Variants in NHEJ1 observed in about 807,000 individuals in gnomAD.
The protein encoded by NHEJ1 is non-homologous end joining factor 1.
NHEJ1 carries 22 observed loss-of-function variants against 39.4 expected under a neutral mutation model. The ratio of observed to expected loss-of-function variants is 0.56; its 90% confidence interval spans 0.40 to 0.80. The LOEUF is 0.80. Ranked by LOEUF, NHEJ1 falls within the 30% of genes least tolerant of loss-of-function variation. NHEJ1 has a pLI of 0.00. For synonymous variants in NHEJ1, 154 were observed against 135.6 expected, an observed-to-expected ratio of 1.14 and a Z score of -0.94; for missense variants, 329 against 357.1, an observed-to-expected ratio of 0.92 and a Z score of 0.63.
rs573350783 is a variant in NHEJ1, at chr2:219,073,050, A to G, written c.*3331T>C. 3.3e-5 allele frequency among the ~76,000 whole-genome samples: 5 copies of G among 152,286 alleles called. No homozygotes were observed. In the East Asian group the frequency reaches 9.6e-4, roughly 29 times the overall value. ...AAAGGAAGGAAAGAAAAGGGAGTCC[A>G]AATGTACCGCTGGATAAAAACGAGC... On this transcript the variant is annotated 3_prime_UTR_variant, in exon 8 of 8. Coordinates refer to ENST00000356853, the MANE Select transcript of NHEJ1 (RefSeq NM_024782.3).
In NHEJ1 at chr2:219,091,198, C is replaced by T. The variant is rs74392505; in HGVS notation, c.589-12992G>A. Among the ~76,000 whole-genome samples the T allele has an allele frequency of 3.0e-3, 460 of 152,134 alleles. 1 individual carries two copies. Among genetic ancestry groups the T allele is most frequent in the African/African-American group, 0.011 (441 of 41,482 alleles). ...CAGCTGAGGACTCTCTTAGGACTAG[C>T]CCAGTTAGATAGGAGCCTTTGGCTG... On this transcript the variant is annotated intron_variant, in intron 5 of 7. Coordinates refer to ENST00000356853, the MANE Select transcript of NHEJ1 (RefSeq NM_024782.3).
intron 4 of NHEJ1, 78 bp from the exon 5 acceptor site, chr2:219,146,816 C>T (rs1574741482): frequency 4.5e-6 from 5 of 1,111,450 alleles, no homozygotes; most frequent in East Asian, 4.7e-5. Flanking sequence ...GGGAACAGAA[C>T]AGGGCTACTT....
At chr2:219,098,665 G>C (rs1000839270) in intron 5 of NHEJ1, among the ~76,000 whole-genome samples, 16 of 152,142 alleles carry the variant, frequency 1.1e-4, no homozygotes, top group African/African-American at 3.9e-4. Context: ...ATTGAAACTA[G>C]GCAGGCTGGG....
At chr2:219,132,925 C>T (rs1949592325) in intron 5 of NHEJ1, among the ~76,000 whole-genome samples, 1 of 152,120 alleles carries the variant, frequency 6.6e-6, no homozygotes, top group Non-Finnish European at 1.5e-5. Flanking sequence ...GGGCAGAAAA[C>T]ATGTTTTAAC....
At chr2:219,095,479 A>G in intron 5 of NHEJ1, 2 of 356,174 alleles carry the variant, frequency 5.6e-6, no homozygotes, top group Non-Finnish European at 1.2e-5. Flanking sequence ...GTCACTTAAT[A>G]GCTGTCTCCT....
At position 219,075,299 on chromosome 2, in the gene NHEJ1, C is replaced by T. The variant is rs1178414837; in HGVS notation, c.*1082G>A. On this transcript the variant is annotated 3_prime_UTR_variant, in exon 8 of 8. Transcript: ENST00000356853. ...TAGAGTAGCTGGTATACATTAACTG[C>T]TCAATAAATGTTAGCTATTTATTAT... The T allele has an allele frequency of 1.3e-5, 2 of 152,102 alleles. No individual in the cohort carries two copies. The highest frequency in any genetic ancestry group is 2.4e-5 in the African/African-American group (1 of 41,410). The allele number at this position is 152,102 out of a possible 1,614,324, so 9.4% of individuals were successfully genotyped here.
At chr2:219,139,263 T>C (rs1244443751) in intron 5 of NHEJ1, among the ~76,000 whole-genome samples, 9 of 152,204 alleles carry the variant, frequency 5.9e-5, no homozygotes, top group Admixed American at 5.2e-4. Context: ...AATTTTTGTA[T>C]TTTTAGTAGA....
chr2:219,123,115 A>T (rs1949486620), intron 5 of NHEJ1, among the ~76,000 whole-genome samples: 1 of 152,162 alleles, frequency 6.6e-6, no homozygotes, highest in African/African-American at 2.4e-5. Flanking sequence ...AATTCAGAAA[A>T]ACACTGGTAG....
intron 5 of NHEJ1, among the ~76,000 whole-genome samples, chr2:219,088,355 G>A (rs972795842): frequency 2.0e-5 from 3 of 152,114 alleles, no homozygotes; most frequent in Non-Finnish European, 2.9e-5. Context: ...CGGGCCAGGT[G>A]AGTGGCTCAC....
At chr2:219,102,647 C>G (rs1428127309) in intron 5 of NHEJ1, 1 of 151,870 alleles carries the variant, frequency 6.6e-6, no homozygotes, top group East Asian at 1.9e-4. Flanking sequence ...GGTCAAAACT[C>G]CCATGCTGAT....
At chr2:219,140,293 T>C (rs1046002444) in intron 5 of NHEJ1, among the ~76,000 whole-genome samples, 2 of 152,218 alleles carry the variant, frequency 1.3e-5, no homozygotes, top group Admixed American at 6.5e-5. Context: ...TGGTAAAGTC[T>C]TTGGATTTTA....
intron 5 of NHEJ1, among the ~76,000 whole-genome samples, chr2:219,091,117 G>A (rs983524922): frequency 6.6e-6 from 1 of 152,116 alleles, no homozygotes; most frequent in East Asian, 1.9e-4. Flanking sequence ...TGCCCTCATA[G>A]AGCTTACAGT....
At chr2:219,119,597 G>A (rs2106344227) in intron 5 of NHEJ1, among the ~76,000 whole-genome samples, 1 of 151,730 alleles carries the variant, frequency 6.6e-6, no homozygotes, top group East Asian at 1.9e-4. Context: ...CCCTGCCCCT[G>A]GCCCAGCACA....
chr2:219,094,181 C>T (rs56388436), intron 5 of NHEJ1, among the ~76,000 whole-genome samples: 15,871 of 152,152 alleles, frequency 0.1, 838 homozygotes, highest in East Asian at 0.13. Flanking sequence ...GGGATCTGAT[C>T]TGATCTAAAA....
rs1395818341 is a variant in NHEJ1, at chr2:219,073,399, C to G, written c.*2982G>C. On this transcript the variant is annotated 3_prime_UTR_variant, in exon 8 of 8. Coordinates refer to ENST00000356853, the MANE Select transcript of NHEJ1 (RefSeq NM_024782.3). ...ATGACCCTAGTGATATCTTTTAGGA[C>G]CCAGCCTGAGCTCTGCTTTTAAGGG... is the stretch of plus-strand genomic sequence containing the variant. Among the ~76,000 whole-genome samples the G allele has an allele frequency of 6.6e-6, 1 of 152,176 alleles. No homozygotes were observed. Among genetic ancestry groups the G allele is most frequent in the Non-Finnish European group, 1.5e-5 (1 of 68,038 alleles).
intron 5 of NHEJ1, among the ~76,000 whole-genome samples, chr2:219,135,043 T>TAA (rs59843524): frequency 2.7e-4 from 30 of 110,426 alleles, no homozygotes; most frequent in East Asian, 2.5e-3. Context: ...CCGTCTCAAT[T>TAA]AAAAAAAAAA....
rs1488777052 is a variant in NHEJ1, at chr2:219,078,079, G to C, written c.706+10C>G. 6.3e-7 allele frequency: 1 copy of C among 1,599,576 alleles called. No homozygotes were observed. Among genetic ancestry groups the C allele is most frequent in the African/African-American group, 1.3e-5 (1 of 74,626 alleles). On this transcript the variant is annotated intron_variant, in intron 6 of 7. Transcript: ENST00000356853. Reference sequence around the variant, plus strand: ...TCCTCACACAGACCGGGTACCTCTGGAGGGCTCACCAGCGCCTTGATGCTT... The same window carrying C: ...TCCTCACACAGACCGGGTACCTCTGCAGGGCTCACCAGCGCCTTGATGCTT...
At chr2:219,139,244 T>C (rs1420839676) in intron 5 of NHEJ1, among the ~76,000 whole-genome samples, 1 of 152,018 alleles carries the variant, frequency 6.6e-6, no homozygotes, top group Non-Finnish European at 1.5e-5. Context: ...CATGCCACCA[T>C]GTCCAGCTAA....
chr2:219,144,558 G>C (rs1643467262), intron 5 of NHEJ1, among the ~76,000 whole-genome samples: 1 of 152,024 alleles, frequency 6.6e-6, no homozygotes, highest in South Asian at 2.1e-4. Flanking sequence ...GTTAGATAAG[G>C]CCAGAACATT....
Sources: gnomAD v4.1 joint callset for allele counts (sites outside exome capture counted in the v4.1 genomes callset) on GRCh38, gnomAD v4.1.1 for gene constraint, MANE v1.5 for transcripts, NCBI Gene and HGNC (gene_info 2026-07-23, HGNC 2026-07-21) for gene names.